Variants in FBXL5 observed in about 807,000 individuals in gnomAD.
FBXL5 encodes F-box and leucine rich repeat protein 5.
A neutral mutation model predicts 78.3 loss-of-function variants in FBXL5; 26 were observed. The ratio of observed to expected loss-of-function variants is 0.33; its 90% CI spans 0.24 to 0.46. FBXL5 has a LOEUF of 0.46. Ranked by LOEUF, FBXL5 falls within the 20% of genes least tolerant of loss-of-function variation. The pLI, the probability that FBXL5 is intolerant of heterozygous loss-of-function variation, is 1.00. For missense variants in FBXL5, 710 were observed against 829.2 expected (o/e 0.86, Z 1.77); for synonymous variants, 295 against 282.5 (o/e 1.04, Z -0.45).
At chr4:15,626,546 G>C (rs1359389605) in intron 8 of FBXL5, among the ~76,000 whole-genome samples, 1 of 152,210 alleles carries the variant, frequency 6.6e-6, no homozygotes. Flanking sequence ...GAATCTAAGA[G>C]GGAGCTTTGC....
At chr4:15,643,551 G>C (rs12650529) in intron 2 of FBXL5, among the ~76,000 whole-genome samples, 22 of 150,410 alleles carry the variant, frequency 1.5e-4, no homozygotes, top group Non-Finnish European at 2.8e-4. Context: ...GATTACAGGC[G>C]CCTGCCACTA....
chr4:15,628,974 G>A (rs908154961), intron 6 of FBXL5, among the ~76,000 whole-genome samples: 1 of 151,442 alleles, frequency 6.6e-6, no homozygotes, highest in African/African-American at 2.4e-5. Flanking sequence ...GCATATTTTG[G>A]GGGTACATGT....
chr4:15,649,106 T>A (rs1360678882), intron 1 of FBXL5, among the ~76,000 whole-genome samples: 2 of 152,084 alleles, frequency 1.3e-5, no homozygotes, highest in Non-Finnish European at 2.9e-5. Context: ...AGAAATAAGA[T>A]TTTTATCTAT....
At chr4:15,676,587 C>T (rs913042550) in intron 1 of FBXL5, among the ~76,000 whole-genome samples, 2 of 151,974 alleles carry the variant, frequency 1.3e-5, no homozygotes, top group East Asian at 3.9e-4. Context: ...AATCTTAACA[C>T]TCAATATTAG....
At chr4:15,628,644 A>G (rs7687774) in intron 6 of FBXL5, among the ~76,000 whole-genome samples, 1 of 152,184 alleles carries the variant, frequency 6.6e-6, no homozygotes, top group Non-Finnish European at 1.5e-5. Context: ...ATTTAACAGA[A>G]TAAGTTAAGG....
At chr4:15,666,362 T>C (rs1031112286) in intron 1 of FBXL5, among the ~76,000 whole-genome samples, 1 of 152,028 alleles carries the variant, frequency 6.6e-6, no homozygotes, top group Non-Finnish European at 1.5e-5. Flanking sequence ...ATGGCGCCAC[T>C]GCACTCCAGC....
At chr4:15,627,513 T>C (rs1713190269) in intron 7 of FBXL5, among the ~76,000 whole-genome samples, 1 of 152,186 alleles carries the variant, frequency 6.6e-6, no homozygotes, top group East Asian at 1.9e-4. Context: ...ATGTAGGAAG[T>C]CGTAATATCC....
chr4:15,666,800 G>A (rs997477392), intron 1 of FBXL5, among the ~76,000 whole-genome samples: 1 of 151,772 alleles, frequency 6.6e-6, no homozygotes, highest in Non-Finnish European at 1.5e-5. Context: ...CAGCCTGGGT[G>A]ACAGAGCTGC....
chr4:15,631,048 T>G (rs1237881774), intron 5 of FBXL5, among the ~76,000 whole-genome samples: 1 of 152,232 alleles, frequency 6.6e-6, no homozygotes, highest in Non-Finnish European at 1.5e-5. Flanking sequence ...GTATTTCTCC[T>G]AATGCTATCC....
chr4:15,657,408 CTATGT>C, upstream of FBXL5, among the ~76,000 whole-genome samples: 1 of 152,298 alleles, frequency 6.6e-6, no homozygotes, highest in South Asian at 2.1e-4. Flanking sequence ...GTTTAATATG[CTATGT>C]TGTCTTGTCC....
chr4:15,668,781 C>T (rs1428506858), intron 1 of FBXL5, among the ~76,000 whole-genome samples: 1 of 152,060 alleles, frequency 6.6e-6, no homozygotes, highest in African/African-American at 2.4e-5. Flanking sequence ...GTGATAAAGC[C>T]TTATTATCAT....
chr4:15,621,427 G>C (rs1382326403), intron 9 of FBXL5, among the ~76,000 whole-genome samples: 1 of 152,036 alleles, frequency 6.6e-6, no homozygotes, highest in African/African-American at 2.4e-5. Flanking sequence ...ACAAGAAATG[G>C]AAACAAGAAT....
intron 10 of FBXL5, among the ~76,000 whole-genome samples, chr4:15,611,415 G>A (rs987189769): frequency 2.0e-5 from 3 of 151,956 alleles, no homozygotes; most frequent in Non-Finnish European, 4.4e-5. Context: ...AAAGACAATA[G>A]GGCGCAGTAT....
chr4:15,665,759 C>T (rs76632768), intron 1 of FBXL5, among the ~76,000 whole-genome samples: 1 of 152,196 alleles, frequency 6.6e-6, no homozygotes, highest in Admixed American at 6.5e-5. Flanking sequence ...GGCCCCCAGT[C>T]CAAAATTCTT....
At chr4:15,630,075 T>G (rs7658171) in intron 6 of FBXL5, among the ~76,000 whole-genome samples, 6,203 of 152,240 alleles carry the variant, frequency 0.041, 401 homozygotes, top group African/African-American at 0.14. Context: ...AAAATTATGT[T>G]TTCTAAATTC....
At chr4:15,658,297 G>A (rs1485821894), upstream of FBXL5, among the ~76,000 whole-genome samples, 1 of 152,224 alleles carries the variant, frequency 6.6e-6, no homozygotes, top group African/African-American at 2.4e-5. Flanking sequence ...GATCCTTACT[G>A]TCCATCAAAA....
At chr4:15,676,210 GC>G (rs1231103006) in intron 1 of FBXL5, among the ~76,000 whole-genome samples, 2 of 152,108 alleles carry the variant, frequency 1.3e-5, no homozygotes, top group African/African-American at 4.8e-5. Flanking sequence ...TATTATTGAA[GC>G]CTTTCACCTC....
chr4:15,609,553 T>C (rs1251093471), intron 10 of FBXL5, among the ~76,000 whole-genome samples: 1 of 152,054 alleles, frequency 6.6e-6, no homozygotes, highest in African/African-American at 2.4e-5. Context: ...CTAATCTATC[T>C]TAATTTATAA....
chr4:15,657,005 T>G (rs1717014084), upstream of FBXL5, among the ~76,000 whole-genome samples: 1 of 150,032 alleles, frequency 6.7e-6, no homozygotes, highest in African/African-American at 2.4e-5. Flanking sequence ...CAGTCTGTCT[T>G]AAGAAGCAGG....
Sources: allele counts gnomAD v4.1 joint callset (sites outside exome capture counted in the v4.1 genomes callset), GRCh38; gene constraint gnomAD v4.1.1; transcripts MANE v1.5; gene names NCBI Gene and HGNC (gene_info 2026-07-23, HGNC 2026-07-21).